RGS9: variants seen among roughly 807,000 people sequenced by gnomAD.
RGS9 encodes the protein regulator of G protein signaling 9, also known as regulator of G-protein signalling 9.
A neutral mutation model predicts 102.0 loss-of-function variants in RGS9; 78 were observed. That is an observed-to-expected ratio of 0.76 (90% CI 0.64 to 0.92). RGS9 has a LOEUF of 0.92. RGS9 is among the 40% of genes least tolerant of loss of function. The probability of loss-of-function intolerance (pLI) is 0.00; values close to 1 mark genes in which losing one functional copy is unlikely to be tolerated. For synonymous variants in RGS9, 353 were observed against 318.6 expected, an observed-to-expected ratio of 1.11 and a Z score of -1.15; for missense variants, 833 against 866.1, an observed-to-expected ratio of 0.96 and a Z score of 0.48.
intron 13 of RGS9, among the ~76,000 whole-genome samples, chr17:65,201,271 A>G (rs1476587688): frequency 6.6e-6 from 1 of 152,156 alleles, no homozygotes; most frequent in Non-Finnish European, 1.5e-5. Context: ...ATTTGGGGGA[A>G]CCTGGCTTTT....
chr17:65,151,091 T>G (rs1910561112), intron 1 of RGS9, among the ~76,000 whole-genome samples: 1 of 152,182 alleles, frequency 6.6e-6, no homozygotes, highest in South Asian at 2.1e-4. Flanking sequence ...ATGCCTATAA[T>G]GCCAGCACTT....
chr17:65,162,959 G>A, intron 6 of RGS9, 54 bp from the exon 7 acceptor site: 1 of 976,134 alleles, frequency 1.0e-6, no homozygotes, highest in South Asian at 1.3e-5. Context: ...TTGCCCTGCG[G>A]CACATGGCAT....
chr17:65,177,855 G>A (rs960845040), intron 9 of RGS9, 52 bp downstream of exon 9: 2 of 1,438,012 alleles, frequency 1.4e-6, no homozygotes, highest in East Asian at 2.3e-5. Flanking sequence ...TTCTGGGGCT[G>A]GGAAGGTGTC....
chr17:65,204,069 G>A (rs1290612303), intron 14 of RGS9, 94 bp from the exon 15 acceptor site: 7 of 1,476,296 alleles, frequency 4.7e-6, no homozygotes, highest in Admixed American at 1.7e-5. Context: ...CTCGGTAACC[G>A]ATTCGTATCA....
chr17:65,139,934 G>A (rs1275817561), intron 1 of RGS9, among the ~76,000 whole-genome samples: 1 of 152,222 alleles, frequency 6.6e-6, no homozygotes, highest in Non-Finnish European at 1.5e-5. Context: ...TCAGCTTTCT[G>A]GAGAAGGGCC....
At chr17:65,188,170 C>T (rs904249418) in intron 9 of RGS9, among the ~76,000 whole-genome samples, 2 of 151,998 alleles carry the variant, frequency 1.3e-5, no homozygotes, top group African/African-American at 2.4e-5. Flanking sequence ...AGAGGAAGCA[C>T]GGCCCACTGC....
intron 9 of RGS9, among the ~76,000 whole-genome samples, chr17:65,185,005 G>C (rs11651081): frequency 6.6e-5 from 10 of 151,736 alleles, no homozygotes; most frequent in Non-Finnish European, 1.5e-4. Context: ...GTAGTTGCTG[G>C]GACCACAGGC....
chr17:65,141,900 A>T (rs1446164145), intron 1 of RGS9, among the ~76,000 whole-genome samples: 1 of 152,220 alleles, frequency 6.6e-6, no homozygotes, highest in Non-Finnish European at 1.5e-5. Flanking sequence ...GCGGGTTGGG[A>T]GAGCTGGCCC....
Position 65,173,144 on chromosome 17 carries a change from G to C in RGS9, c.583-4588G>C, listed in dbSNP as rs958267729. Among the ~76,000 whole-genome samples the C allele has an allele frequency of 1.5e-4, 23 of 151,798 alleles. No individual in the cohort carries two copies. The highest frequency in any genetic ancestry group is 5.6e-4 in the African/African-American group (23 of 41,314). ...TCACTGTGTTGGCCAGGCTGGTCTC[G>C]AACTCCTGACCTCATGATCTGCCGG... On this transcript the variant is annotated intron_variant, in intron 8 of 18. Transcript: ENST00000262406. The surrounding 1 kb of genome is among the most constrained non-coding windows in gnomAD (Gnocchi z 4.8).
chr17:65,198,365 C>T (rs1229354043), intron 13 of RGS9, among the ~76,000 whole-genome samples: 2 of 152,072 alleles, frequency 1.3e-5, no homozygotes, highest in Non-Finnish European at 2.9e-5. Context: ...AAGTGATTCT[C>T]CTGCCTCAGC....
chr17:65,197,215 A>T lies in RGS9; in HGVS notation c.950A>T (p.Gln317Leu). The T allele has an allele frequency of 6.2e-7, 1 of 1,613,148 alleles. No individual in the cohort carries two copies. The highest frequency in any genetic ancestry group is 8.5e-7 in the Non-Finnish European group (1 of 1,179,134). ...GACCCCAAAGGTCGACAGAGCTTCC[A>T]GTACTTCCTCAAGAAAGAATTCAGT... is the stretch of plus-strand genomic sequence containing the variant. Reference protein sequence around the residue: ...IRDPKGRQSFQYFLKKEFSGE... With the variant: ...IRDPKGRQSFLYFLKKEFSGE... The change falls in exon 13 of 19, where the codon CAG becomes CTG. Residue 317 changes from glutamine to leucine, a missense_variant. Gln to Leu is a moderately radical substitution (Grantham distance 113). Around this residue, in one of 3 missense-constraint regions of RGS9, gnomAD observed 185 missense variants for 248.7 expected, o/e 0.74. Coordinates refer to ENST00000262406, the MANE Select transcript of RGS9 (RefSeq NM_003835.4).
At chr17:65,194,779 G>T (rs556651365) in intron 12 of RGS9, among the ~76,000 whole-genome samples, 2 of 152,240 alleles carry the variant, frequency 1.3e-5, no homozygotes, top group South Asian at 4.1e-4. Flanking sequence ...TGAGGGAGGT[G>T]GGGTGATGGG....
Position 65,153,490 on chromosome 17 carries a change from G to A in RGS9, c.126G>A (p.Leu42=), listed in dbSNP as rs773116525. The A allele has an allele frequency of 6.2e-6, 10 of 1,613,998 alleles. No individual in the cohort carries two copies. The Admixed American group carries it at 1.3e-4, about 22-fold the overall frequency. ...TGVRMQNQRV[L]VTSVPHAMTG... ...TCCGAATGCAGAACCAGAGGGTCCT[G>A]GTCACCAGCGTTCCTCATGCCATGA... The change falls in exon 2 of 19, where the codon CTG becomes CTA. Residue 42 remains leucine, a synonymous_variant. Coordinates refer to ENST00000262406, the MANE Select transcript of RGS9 (RefSeq NM_003835.4).
At chr17:65,203,510 T>C (rs1232958280) in intron 14 of RGS9, among the ~76,000 whole-genome samples, 1 of 152,178 alleles carries the variant, frequency 6.6e-6, no homozygotes, top group Non-Finnish European at 1.5e-5. Flanking sequence ...AATGTACATC[T>C]TAGAAAGGTA....
At chr17:65,140,607 G>T (rs556489565) in intron 1 of RGS9, among the ~76,000 whole-genome samples, 1 of 152,334 alleles carries the variant, frequency 6.6e-6, no homozygotes, top group African/African-American at 2.4e-5. Flanking sequence ...AGTTGCAGTG[G>T]CTCATGCCTG....
At chr17:65,212,782 T>C (rs1431864019) in intron 17 of RGS9, among the ~76,000 whole-genome samples, 2 of 152,224 alleles carry the variant, frequency 1.3e-5, no homozygotes, top group African/African-American at 2.4e-5. Flanking sequence ...TATGCTTTGC[T>C]CATCTCTCTT....
chr17:65,145,193 C>T (rs930620445), intron 1 of RGS9, among the ~76,000 whole-genome samples: 4 of 152,050 alleles, frequency 2.6e-5, no homozygotes, highest in African/African-American at 7.2e-5. Context: ...CGGGTTCAAG[C>T]GATTCTTCTG....
intron 9 of RGS9, chr17:65,180,075 T>A (rs985633147): frequency 6.6e-6 from 1 of 152,286 alleles, no homozygotes; most frequent in African/African-American, 2.4e-5. Flanking sequence ...GCAATTCTCA[T>A]GCATGCAGAG....
At chr17:65,215,277 G>A (rs186191546) in intron 17 of RGS9, among the ~76,000 whole-genome samples, 37 of 152,232 alleles carry the variant, frequency 2.4e-4, no homozygotes, top group Admixed American at 1.8e-3. Flanking sequence ...TGATGTGGGG[G>A]AAGAAATTAA....
Sources: allele counts gnomAD v4.1 joint callset (sites outside exome capture counted in the v4.1 genomes callset), GRCh38; gene constraint gnomAD v4.1.1; regional missense constraint gnomAD v4.1.1; non-coding constraint Gnocchi (gnomAD v3.1); transcripts MANE v1.5; gene names NCBI Gene and HGNC (gene_info 2026-07-23, HGNC 2026-07-21).